Variants in UBE2E2 observed in about 807,000 individuals in gnomAD.
The protein encoded by UBE2E2 is ubiquitin conjugating enzyme E2 E2.
Under a neutral mutation model 24.7 loss-of-function variants are expected in UBE2E2, and 6 were observed. The ratio of observed to expected loss-of-function variants is 0.24; its 90% CI spans 0.13 to 0.48. The LOEUF is 0.48. Ranked by LOEUF, UBE2E2 falls within the 20% of genes least tolerant of loss-of-function variation. UBE2E2 has a pLI of 0.99. For synonymous variants in UBE2E2, 104 were observed against 83.6 expected, an observed-to-expected ratio of 1.24 and a Z score of -1.33; for missense variants, 169 against 245.0, an observed-to-expected ratio of 0.69 and a Z score of 2.07.
chr3:23,397,807 C>G (rs1168812121), intron 3 of UBE2E2, among the ~76,000 whole-genome samples: 1 of 152,020 alleles, frequency 6.6e-6, no homozygotes, highest in Non-Finnish European at 1.5e-5. Context: ...TTTTTAAGCT[C>G]CAGACTCCAG....
At chr3:23,263,696 T>C (rs1697963828) in intron 3 of UBE2E2, among the ~76,000 whole-genome samples, 1 of 152,196 alleles carries the variant, frequency 6.6e-6, no homozygotes. Flanking sequence ...TATCAAAAGA[T>C]CATTTCAGTC....
chr3:23,271,862 G>A (rs943463936), intron 3 of UBE2E2, among the ~76,000 whole-genome samples: 12 of 151,270 alleles, frequency 7.9e-5, no homozygotes, highest in Admixed American at 3.9e-4. Context: ...GTGCATCCAC[G>A]AACCCTGAGC....
intron 4 of UBE2E2, among the ~76,000 whole-genome samples, chr3:23,521,934 T>C: frequency 7.1e-6 from 1 of 140,768 alleles, no homozygotes; most frequent in East Asian, 2.4e-4. Flanking sequence ...ATGTATGTGC[T>C]TAATGAATTA....
At chr3:23,392,603 A>G (rs1365914266) in intron 3 of UBE2E2, among the ~76,000 whole-genome samples, 4 of 152,214 alleles carry the variant, frequency 2.6e-5, no homozygotes, top group African/African-American at 9.6e-5. Context: ...GGAGAGTTTT[A>G]GAACAGAATA....
chr3:23,575,978 C>T (rs538716104), intron 5 of UBE2E2, among the ~76,000 whole-genome samples: 6 of 152,120 alleles, frequency 3.9e-5, no homozygotes, highest in Non-Finnish European at 7.4e-5. Context: ...GAAGAAAATG[C>T]GAGTTGCAGA....
At chr3:23,358,309 A>C (rs1387538422) in intron 3 of UBE2E2, among the ~76,000 whole-genome samples, 1 of 152,244 alleles carries the variant, frequency 6.6e-6, no homozygotes, top group Non-Finnish European at 1.5e-5. Flanking sequence ...AACATACTGA[A>C]CTTAGATTTT....
At chr3:23,463,259 CAAT>C (rs1270841982) in intron 3 of UBE2E2, among the ~76,000 whole-genome samples, 1 of 151,778 alleles carries the variant, frequency 6.6e-6, no homozygotes, top group African/African-American at 2.4e-5. Flanking sequence ...AACCAAACAA[CAAT>C]AAGGTGGGAA....
chr3:23,290,653 G>C (rs986375747), intron 3 of UBE2E2, among the ~76,000 whole-genome samples: 3 of 151,978 alleles, frequency 2.0e-5, no homozygotes, highest in African/African-American at 7.3e-5. Flanking sequence ...GCTTATCATA[G>C]TTGTGATTTA....
At chr3:23,205,385 A>G (rs1440697258) in intron 1 of UBE2E2, among the ~76,000 whole-genome samples, 2 of 152,186 alleles carry the variant, frequency 1.3e-5, no homozygotes, top group African/African-American at 4.8e-5. Context: ...AAGGATTTTA[A>G]TTCAGGAATT....
At chr3:23,453,751 A>T (rs1698617447) in intron 3 of UBE2E2, among the ~76,000 whole-genome samples, 1 of 152,212 alleles carries the variant, frequency 6.6e-6, no homozygotes, top group South Asian at 2.1e-4. Flanking sequence ...CAACCAACAG[A>T]GCTTTCTTGT....
At chr3:23,503,000 A>G (rs1699756623) in intron 4 of UBE2E2, among the ~76,000 whole-genome samples, 1 of 152,198 alleles carries the variant, frequency 6.6e-6, no homozygotes, top group South Asian at 2.1e-4. Flanking sequence ...AACTCCACCT[A>G]GGAATACTAC....
intron 3 of UBE2E2, among the ~76,000 whole-genome samples, chr3:23,242,217 T>C (rs1217040093): frequency 6.6e-6 from 1 of 152,130 alleles, no homozygotes. Context: ...TAGGCATGAA[T>C]CATCAAGCCT....
intron 3 of UBE2E2, among the ~76,000 whole-genome samples, chr3:23,359,642 C>T (rs971861238): frequency 4.0e-5 from 6 of 151,874 alleles, no homozygotes; most frequent in African/African-American, 7.3e-5. Flanking sequence ...TCTTTTTTTG[C>T]CTTTCTCTGG....
intron 3 of UBE2E2, among the ~76,000 whole-genome samples, chr3:23,467,474 T>G (rs576698268): frequency 6.6e-6 from 1 of 152,330 alleles, no homozygotes; most frequent in South Asian, 2.1e-4. Flanking sequence ...TTTGAGCAAA[T>G]TGGCGCCTGA....
At chr3:23,493,679 C>A (rs1699545087) in intron 3 of UBE2E2, among the ~76,000 whole-genome samples, 1 of 152,078 alleles carries the variant, frequency 6.6e-6, no homozygotes. Flanking sequence ...ATTTGGATTT[C>A]CTAAGAGTGG....
chr3:23,579,112 G>A (rs1457366416), intron 5 of UBE2E2, among the ~76,000 whole-genome samples: 1 of 152,154 alleles, frequency 6.6e-6, no homozygotes, highest in Non-Finnish European at 1.5e-5. Flanking sequence ...AGAAAACTAG[G>A]CAGGGCGTGG....
chr3:23,468,958 C>G (rs1436364463), intron 3 of UBE2E2, among the ~76,000 whole-genome samples: 2 of 152,166 alleles, frequency 1.3e-5, no homozygotes, highest in Non-Finnish European at 2.9e-5. Flanking sequence ...TATGTGACCT[C>G]ATTGTAGAAA....
Position 23,407,389 on chromosome 3 carries a change from T to A in UBE2E2, c.228-92219T>A, listed in dbSNP as rs1017441260. On this transcript the variant is annotated intron_variant, in intron 3 of 5. Transcript: ENST00000396703. The surrounding 1 kb of genome is among the most constrained non-coding windows in gnomAD (Gnocchi z 4.0). ...AGATCCCAGTGTCCACAAATGTAAA[T>A]GATATATTGACATCTTGACATCTTG... Among the ~76,000 whole-genome samples the A allele has an allele frequency of 6.6e-6, 1 of 152,170 alleles. No individual in the cohort carries two copies. The highest frequency in any genetic ancestry group is 1.5e-5 in the Non-Finnish European group (1 of 68,022).
intron 3 of UBE2E2, among the ~76,000 whole-genome samples, chr3:23,356,674 C>G (rs552653080): frequency 2.0e-5 from 3 of 152,174 alleles, no homozygotes; most frequent in South Asian, 4.1e-4. Context: ...TGAGAGTATT[C>G]TCTTTTAGAA....
Sources: gnomAD v4.1 joint callset for allele counts (sites outside exome capture counted in the v4.1 genomes callset) on GRCh38, gnomAD v4.1.1 for gene constraint, Gnocchi (gnomAD v3.1) non-coding constraint, MANE v1.5 for transcripts, NCBI Gene and HGNC (gene_info 2026-07-23, HGNC 2026-07-21) for gene names.